MACROD2: variants seen among roughly 807,000 people sequenced by gnomAD.
MACROD2 encodes mono-ADP ribosylhydrolase 2, also known as ADP-ribose glycohydrolase MACROD2.
MACROD2 carries 36 observed loss-of-function variants against 70.4 expected under a neutral mutation model. That is an observed-to-expected ratio of 0.51 (90% CI 0.39 to 0.68). The LOEUF (loss-of-function observed/expected upper bound fraction) is 0.68. Ranked by LOEUF, MACROD2 falls within the 30% of genes least tolerant of loss-of-function variation. The pLI is 0.00. For synonymous variants in MACROD2, 172 were observed against 178.8 expected (o/e 0.96, Z 0.30); for missense variants, 496 against 538.4 (o/e 0.92, Z 0.78).
chr20:14,119,332 T>A (rs1029171637), intron 3 of MACROD2, among the ~76,000 whole-genome samples: 8 of 151,456 alleles, frequency 5.3e-5, no homozygotes, highest in Non-Finnish European at 1.2e-4. Flanking sequence ...CACACCTGGC[T>A]AATTTTTTAT....
chr20:14,714,318 C>T (rs571728464), intron 5 of MACROD2, among the ~76,000 whole-genome samples: 2 of 152,082 alleles, frequency 1.3e-5, no homozygotes, highest in Admixed American at 6.5e-5. Context: ...GTGCACCTCT[C>T]ACCACCCACT....
chr20:15,082,369 G>T (rs982276397), intron 5 of MACROD2, among the ~76,000 whole-genome samples: 1 of 152,038 alleles, frequency 6.6e-6, no homozygotes, highest in African/African-American at 2.4e-5. Context: ...GTAGTTTGGA[G>T]GCTGTGTCAT....
In MACROD2 at chr20:14,139,812, G is replaced by A. The variant is rs369055867; in HGVS notation, c.271+54084G>A. 3.3e-3 allele frequency among the ~76,000 whole-genome samples: 498 copies of A among 152,236 alleles called. 9 individuals carry two copies. The highest frequency in any genetic ancestry group is 0.011 in the African/African-American group (471 of 41,546). The stretch of plus-strand genomic sequence containing the variant: ...ATCTGAAATGCTTCCAAATCTGAAA[G>A]TTTTTGAGCACCAACATGACACTGT... On this transcript the variant is annotated intron_variant, in intron 3 of 17. Transcript: ENST00000684519.
intron 3 of MACROD2, among the ~76,000 whole-genome samples, chr20:14,177,019 A>G (rs2081268012): frequency 6.6e-6 from 1 of 152,220 alleles, no homozygotes; most frequent in South Asian, 2.1e-4. Flanking sequence ...CTCCAGAAAC[A>G]CATAAGTAGA....
intron 5 of MACROD2, among the ~76,000 whole-genome samples, chr20:14,769,352 G>A (rs2072135015): frequency 6.6e-6 from 1 of 152,076 alleles, no homozygotes; most frequent in Non-Finnish European, 1.5e-5. Context: ...TGTCTTGGCA[G>A]GAAGAGAAAT....
At chr20:15,550,690 T>C (rs2048083611) in intron 8 of MACROD2, among the ~76,000 whole-genome samples, 1 of 152,210 alleles carries the variant, frequency 6.6e-6, no homozygotes, top group Non-Finnish European at 1.5e-5. Context: ...GAGTCAACCA[T>C]TATATTGATG....
At chr20:15,572,494 A>G (rs1189715228) in intron 8 of MACROD2, among the ~76,000 whole-genome samples, 1 of 152,148 alleles carries the variant, frequency 6.6e-6, no homozygotes, top group Non-Finnish European at 1.5e-5. Flanking sequence ...TAATCTGTCT[A>G]AGGTTTATTC....
In MACROD2 at chr20:14,890,951, T is replaced by TTTCCTTCCTTCCTTCC. The variant is rs372577604; in HGVS notation, c.418+206018_418+206033dup. Among the ~76,000 whole-genome samples the TTTCCTTCCTTCCTTCC allele has an allele frequency of 7.7e-3, 819 of 105,734 alleles. 10 individuals carry two copies. The highest frequency in any genetic ancestry group is 9.4e-3 in the Middle Eastern group (2 of 212). 69.4% of individuals were successfully genotyped at this position (105,734 alleles called of 152,430 possible). A position where few individuals can be genotyped will look rare whatever the true frequency, so the allele number is the denominator to read the frequency against. On this transcript the variant is annotated intron_variant, in intron 5 of 17. Transcript: ENST00000684519. ...GACAAATAGGGATCTTCTTTCTCTT[T>TTTCCTTCCTTCCTTCC]TTCCTTCCTTCCTTCCTTCCTTCCT...
rs116324952 is a variant in MACROD2 at position 14,861,564 on chromosome 20, A to G, written c.418+176605A>G. Among the ~76,000 whole-genome samples, 629 of 152,048 alleles carry G rather than the reference A, an allele frequency of 4.1e-3. 3 individuals carry two copies. The highest frequency in any genetic ancestry group is 0.015 in the African/African-American group (602 of 41,510). On this transcript the variant is annotated intron_variant, in intron 5 of 17. Coordinates refer to ENST00000684519, the MANE Select transcript of MACROD2 (RefSeq NM_001351661.2). ...GCCAGACTATGAGGGAGCTGGGGGAATGCACTCTGCATGGATCAACCTCCT... is the reference window on the plus strand; with the variant it reads ...GCCAGACTATGAGGGAGCTGGGGGAGTGCACTCTGCATGGATCAACCTCCT...
At chr20:14,378,673 A>G (rs767176427) in intron 3 of MACROD2, among the ~76,000 whole-genome samples, 8 of 152,184 alleles carry the variant, frequency 5.3e-5, no homozygotes, top group Non-Finnish European at 1.2e-4. Flanking sequence ...ATTAAATATC[A>G]CAACTCCTTC....
intron 2 of MACROD2, among the ~76,000 whole-genome samples, chr20:14,067,132 T>TC (rs1386817670): frequency 1.2e-4 from 18 of 145,240 alleles, no homozygotes; most frequent in African/African-American, 4.3e-4. Context: ...TGTTTTTTTT[T>TC]TTTTTTTTTT....
chr20:15,280,315 T>A (rs910548288), intron 6 of MACROD2, among the ~76,000 whole-genome samples: 2 of 147,738 alleles, frequency 1.4e-5, no homozygotes, highest in African/African-American at 5.2e-5. Flanking sequence ...GATGCAAACT[T>A]TTTTTTTTAT....
chr20:15,600,543 G>A (rs1298812768), intron 8 of MACROD2, among the ~76,000 whole-genome samples: 1 of 152,144 alleles, frequency 6.6e-6, no homozygotes, highest in East Asian at 1.9e-4. Flanking sequence ...AGTGGCAAGT[G>A]ACTTTCCAGA....
chr20:15,658,932 G>T (rs975447892), intron 8 of MACROD2, among the ~76,000 whole-genome samples: 1 of 152,158 alleles, frequency 6.6e-6, no homozygotes, highest in African/African-American at 2.4e-5. Context: ...ACTAAAACAG[G>T]TGATCCAAGA....
chr20:15,243,021 T>C (rs2146009508), intron 6 of MACROD2, among the ~76,000 whole-genome samples: 1 of 152,330 alleles, frequency 6.6e-6, no homozygotes, highest in East Asian at 1.9e-4. Flanking sequence ...TGTTTCAAAA[T>C]GGTTCCAAGT....
At chr20:15,978,582 GTC>G (rs59205516) in intron 13 of MACROD2, among the ~76,000 whole-genome samples, 10,771 of 146,060 alleles carry the variant, frequency 0.074, 895 homozygotes, top group African/African-American at 0.21. Flanking sequence ...CTGACCTTGG[GTC>G]TCTCTCTCTC....
intron 8 of MACROD2, among the ~76,000 whole-genome samples, chr20:15,818,185 G>C (rs927106267): frequency 2.6e-5 from 4 of 152,130 alleles, no homozygotes; most frequent in African/African-American, 7.2e-5. Context: ...AGAGTCCAAA[G>C]AGTAAAGTGA....
chr20:15,680,920 A>G (rs1266081966), intron 8 of MACROD2, among the ~76,000 whole-genome samples: 1 of 152,244 alleles, frequency 6.6e-6, no homozygotes, highest in African/African-American at 2.4e-5. Flanking sequence ...AAAAATTTTC[A>G]TTTGAATAAA....
chr20:15,862,090 CA>C (rs1175349738), intron 8 of MACROD2, among the ~76,000 whole-genome samples: 8 of 151,966 alleles, frequency 5.3e-5, no homozygotes, highest in African/African-American at 1.9e-4. Flanking sequence ...TCCCTCAAAA[CA>C]AAAAAGGGAC....
Sources: gnomAD v4.1 joint callset for allele counts (sites outside exome capture counted in the v4.1 genomes callset) on GRCh38, gnomAD v4.1.1 for gene constraint, MANE v1.5 for transcripts, NCBI Gene and HGNC (gene_info 2026-07-23, HGNC 2026-07-21) for gene names.